GLDC: variants seen among roughly 807,000 people sequenced by gnomAD.
GLDC encodes the protein glycine decarboxylase.
A neutral mutation model predicts 121.3 loss-of-function variants in GLDC; 104 were observed. That is an observed-to-expected ratio of 0.86 (90% CI 0.73 to 1.01). The LOEUF (loss-of-function observed/expected upper bound fraction) is 1.01. GLDC is among the 50% of genes least tolerant of loss of function. The pLI, the probability that GLDC is intolerant of heterozygous loss-of-function variation, is 0.00. For synonymous variants in GLDC, 546 were observed against 480.6 expected, an observed-to-expected ratio of 1.14 and a Z score of -1.78; for missense variants, 1,429 against 1,306.6, an observed-to-expected ratio of 1.09 and a Z score of -1.44.
intron 21 of GLDC, among the ~76,000 whole-genome samples, chr9:6,543,495 T>C (rs181447252): frequency 6.6e-6 from 1 of 152,160 alleles, no homozygotes; most frequent in Non-Finnish European, 1.5e-5. Context: ...GCACTGCTAA[T>C]ACTACAGTGC....
intron 21 of GLDC, among the ~76,000 whole-genome samples, chr9:6,545,709 C>T (rs1036206658): frequency 3.3e-5 from 5 of 152,104 alleles, no homozygotes; most frequent in African/African-American, 7.2e-5. Context: ...GGCGCAATCT[C>T]GGCTCACTGC....
chr9:6,552,961 T>C (rs1034740315), intron 20 of GLDC, among the ~76,000 whole-genome samples: 4 of 149,674 alleles, frequency 2.7e-5, no homozygotes, highest in African/African-American at 4.9e-5. Flanking sequence ...CAAAGTGAGA[T>C]ATATAGCAGG....
At chr9:6,573,679 C>T (rs995335026) in intron 15 of GLDC, among the ~76,000 whole-genome samples, 3 of 152,112 alleles carry the variant, frequency 2.0e-5, no homozygotes, top group African/African-American at 7.2e-5. Flanking sequence ...TCCAAACTCT[C>T]CTTTACGTTG....
intron 17 of GLDC, chr9:6,557,858 C>G (rs974200020): frequency 6.5e-6 from 1 of 154,706 alleles, no homozygotes; most frequent in South Asian, 2.0e-4. Context: ...TGGCCTGGAA[C>G]ACTTGTTGGA....
At chr9:6,545,737 T>A (rs952651496) in intron 21 of GLDC, among the ~76,000 whole-genome samples, 1 of 151,702 alleles carries the variant, frequency 6.6e-6, no homozygotes, top group Non-Finnish European at 1.5e-5. Flanking sequence ...TATTCCTGGG[T>A]TCAAGCGATT....
intron 2 of GLDC, among the ~76,000 whole-genome samples, chr9:6,643,092 C>T (rs962339618): frequency 6.6e-6 from 1 of 151,838 alleles, no homozygotes; most frequent in Non-Finnish European, 1.5e-5. Context: ...GAGATGGGGT[C>T]TCGCAATATT....
In GLDC at chr9:6,589,214, T is replaced by A. The variant is rs1464777902; in HGVS notation, c.1561A>T (p.Thr521Ser). 6.2e-7 allele frequency: 1 copy of A among 1,601,510 alleles called. No individual in the cohort carries two copies. Among genetic ancestry groups the A allele is most frequent in the Admixed American group, 1.7e-5 (1 of 59,990 alleles). Residue 521 changes from threonine to serine, a missense_variant, in exon 12 of 25, where the codon ACC (threonine) becomes TCC (serine). Transcript: ENST00000321612. The part of the protein sequence containing the change: ...SVFKRTSPFL[T>S]HQVFNSYHSE... Reference sequence around the variant, plus strand: ...ACAAACCTGTTGAACACTTGATGGGTGAGGAACGGGCTGGTCCTCTTGAAC... The same window carrying A: ...ACAAACCTGTTGAACACTTGATGGGAGAGGAACGGGCTGGTCCTCTTGAAC...
At chr9:6,623,156 G>C (rs879541009) in intron 2 of GLDC, 7 of 173,170 alleles carry the variant, frequency 4.0e-5, no homozygotes, top group Non-Finnish European at 5.8e-5. Context: ...TGACAATGGC[G>C]GTTTTGTGGA....
At position 6,560,089 on chromosome 9, in the gene GLDC, C is replaced by T. The variant is rs190473870; in HGVS notation, c.1927-1405G>A. ...TCAGACTCAAATCATCCTTCATTTC[C>T]TCCAAACAACCATGTGGACACAGGC... On this transcript the variant is annotated intron_variant, in intron 16 of 24. Coordinates refer to ENST00000321612, the MANE Select transcript of GLDC (RefSeq NM_000170.3). Among the ~76,000 whole-genome samples the T allele has an allele frequency of 1.3e-3, 205 of 152,310 alleles. 2 individuals carry two copies. The highest frequency in any genetic ancestry group is 5.4e-4 in the Non-Finnish European group (37 of 68,028).
intron 10 of GLDC, 37 bp downstream of exon 10, chr9:6,592,814 T>C (rs1482383239): frequency 1.9e-6 from 3 of 1,598,624 alleles, no homozygotes; most frequent in Non-Finnish European, 8.6e-7. Flanking sequence ...ATGTGAAAAT[T>C]TGAAAAACTG....
chr9:6,594,332 G>T (rs528631513), intron 9 of GLDC, among the ~76,000 whole-genome samples: 1 of 151,954 alleles, frequency 6.6e-6, no homozygotes, highest in Non-Finnish European at 1.5e-5. Flanking sequence ...TTTGGGGCCG[G>T]TAGGAAAGTA....
At chr9:6,538,824 G>A (rs755150387) in intron 22 of GLDC, among the ~76,000 whole-genome samples, 1 of 152,220 alleles carries the variant, frequency 6.6e-6, no homozygotes, top group Non-Finnish European at 1.5e-5. Context: ...ATCGCTAGCC[G>A]GGAGGCTGTC....
At position 6,624,990 on chromosome 9, in the gene GLDC, GAA is replaced by G. The variant is rs34197434; in HGVS notation, c.335-4673_335-4672del. 9.6e-4 allele frequency among the ~76,000 whole-genome samples: 138 copies of G among 143,786 alleles called. 2 individuals carry two copies. In the East Asian group the frequency reaches 0.026, roughly 28 times the overall value. 94.3% of individuals were successfully genotyped at this position (143,786 alleles called of 152,430 possible). On this transcript the variant is annotated intron_variant, in intron 2 of 24. Transcript: ENST00000321612. ...GCAACAGAGCGAGACACTGTCTCCAGAAAAAAAAAAAAGGCTCAGGTGAACTC... is the reference window on the plus strand; with the variant it reads ...GCAACAGAGCGAGACACTGTCTCCAGAAAAAAAAAAGGCTCAGGTGAACTC...
chr9:6,561,788 G>T (rs1352973761), intron 16 of GLDC, among the ~76,000 whole-genome samples: 1 of 152,160 alleles, frequency 6.6e-6, no homozygotes, highest in East Asian at 1.9e-4. Context: ...AACTCCCCAG[G>T]GTGCCGCGTG....
chr9:6,538,845 A>T (rs186316709), intron 22 of GLDC, among the ~76,000 whole-genome samples: 37 of 152,298 alleles, frequency 2.4e-4, no homozygotes, highest in Middle Eastern at 3.4e-3. Context: ...AGGGGAAAGG[A>T]GTTCTACTGT....
rs374627513 is a variant in GLDC, at chr9:6,620,356, G to T, written c.335-37C>A. ...AAAAAGAGAAATGTTACAGACAGAT[G>T]TCTCAGAAAAGAGCTCTAATTACAG... On this transcript the variant is annotated intron_variant, in intron 2 of 24. Transcript: ENST00000321612. 11 of 1,588,714 alleles carry T rather than the reference G, an allele frequency of 6.9e-6. No homozygotes were observed. In the Middle Eastern group the frequency reaches 6.6e-4, roughly 96 times the overall value.
intron 2 of GLDC, among the ~76,000 whole-genome samples, chr9:6,625,327 C>T (rs1368053201): frequency 5.3e-5 from 8 of 152,132 alleles, no homozygotes; most frequent in South Asian, 2.1e-4. Flanking sequence ...CTTGCAGTCA[C>T]GTTGTTCCAC....
chr9:6,575,482 A>T (rs944039647), intron 15 of GLDC, among the ~76,000 whole-genome samples: 2 of 152,200 alleles, frequency 1.3e-5, no homozygotes, highest in African/African-American at 4.8e-5. Flanking sequence ...CTGAATCAGA[A>T]ACTCTGTAGG....
intron 8 of GLDC, among the ~76,000 whole-genome samples, chr9:6,598,453 C>G (rs1171669095): frequency 6.6e-6 from 1 of 152,126 alleles, no homozygotes; most frequent in Non-Finnish European, 1.5e-5. Flanking sequence ...AAGAGTCATG[C>G]CCCATCCACG....
Sources: allele counts gnomAD v4.1 joint callset (sites outside exome capture counted in the v4.1 genomes callset), GRCh38; gene constraint gnomAD v4.1.1; transcripts MANE v1.5; gene names NCBI Gene and HGNC (gene_info 2026-07-23, HGNC 2026-07-21).